The following CCDC91 variants were observed in gnomAD, a reference collection of about 807,000 sequenced individuals.
CCDC91 encodes coiled-coil domain containing 91.
Under a neutral mutation model 63.2 loss-of-function variants are expected in CCDC91, and 48 were observed. That is an observed-to-expected ratio of 0.76 (90% CI 0.60 to 0.97). The LOEUF is 0.97. Ranked by LOEUF, CCDC91 falls within the 50% of genes least tolerant of loss-of-function variation. CCDC91 has a pLI of 0.00. For synonymous variants in CCDC91, 167 were observed against 165.8 expected (o/e 1.01, Z -0.06); for missense variants, 500 against 494.6 (o/e 1.01, Z -0.10).
chr12:28,376,267 AAG>A, intron 7 of CCDC91, among the ~76,000 whole-genome samples: 1 of 151,862 alleles, frequency 6.6e-6, no homozygotes, highest in South Asian at 2.1e-4. Flanking sequence ...TGAGTCTCTT[AAG>A]GTTTTGTGGG....
chr12:28,289,685 CTTTTTTTTTTT>C (rs75555723), intron 3 of CCDC91, among the ~76,000 whole-genome samples: 1 of 98,540 alleles, frequency 1.0e-5, no homozygotes, highest in African/African-American at 4.8e-5. Flanking sequence ...CTTTTCTTTT[CTTTTTTTTTTT>C]TTTTTTTTTT....
intron 6 of CCDC91, among the ~76,000 whole-genome samples, chr12:28,352,131 C>T (rs568826252): frequency 5.5e-4 from 84 of 152,056 alleles, no homozygotes; most frequent in Non-Finnish European, 1.2e-3. Flanking sequence ...AAAAAATGTA[C>T]CTAAATTAAA....
chr12:28,193,694 G>T (rs1029006118), intron 1 of CCDC91, among the ~76,000 whole-genome samples: 3 of 151,768 alleles, frequency 2.0e-5, no homozygotes, highest in Middle Eastern at 3.2e-3. Flanking sequence ...TGATGTTCCA[G>T]TTGCTCCACA....
At chr12:28,343,209 T>C (rs1180206496) in intron 6 of CCDC91, among the ~76,000 whole-genome samples, 2 of 151,104 alleles carry the variant, frequency 1.3e-5, no homozygotes, top group Non-Finnish European at 3.0e-5. Context: ...TATATATATA[T>C]ATATATATAT....
At chr12:28,253,665 C>G (rs1946265771) in intron 1 of CCDC91, among the ~76,000 whole-genome samples, 2 of 152,120 alleles carry the variant, frequency 1.3e-5, no homozygotes, top group South Asian at 4.1e-4. Context: ...TTTCTCATTT[C>G]ACATTCTCTT....
At chr12:28,489,986 C>G (rs1951912969) in intron 12 of CCDC91, among the ~76,000 whole-genome samples, 1 of 151,822 alleles carries the variant, frequency 6.6e-6, no homozygotes. Context: ...TCTTAAAGTC[C>G]TAAAATTCTG....
intron 1 of CCDC91, among the ~76,000 whole-genome samples, chr12:28,239,180 A>G (rs891446740): frequency 2.0e-5 from 3 of 152,032 alleles, no homozygotes; most frequent in African/African-American, 7.2e-5. Context: ...TAACACCATT[A>G]TATATGTAGA....
At chr12:28,544,349 T>C (rs911182303) in intron 12 of CCDC91, among the ~76,000 whole-genome samples, 1 of 151,942 alleles carries the variant, frequency 6.6e-6, no homozygotes, top group Non-Finnish European at 1.5e-5. Flanking sequence ...TCCCTTCTTG[T>C]CTCTTTTCAA....
At position 28,264,146 on chromosome 12, in the gene CCDC91, T is replaced by C. The variant is rs534662836; in HGVS notation, c.109+4704T>C. Among the ~76,000 whole-genome samples the C allele has an allele frequency of 3.3e-5, 5 of 152,000 alleles. No homozygotes were observed. The East Asian group carries it at 9.7e-4, about 29-fold the overall frequency. The stretch of plus-strand genomic sequence containing the variant: ...TCATCTCTTCCCTGGTCCTGCTGTA[T>C]GCCAGTAGGTAACAATAGAGACTAG... On this transcript the variant is annotated intron_variant, in intron 3 of 12. Coordinates refer to ENST00000536442, the MANE Select transcript of CCDC91 (RefSeq NM_018318.5).
At chr12:28,363,876 G>GAGAAAAA (rs1944077385) in intron 7 of CCDC91, among the ~76,000 whole-genome samples, 1 of 52,560 alleles carries the variant, frequency 1.9e-5, no homozygotes, top group Non-Finnish European at 3.2e-5. Context: ...GGCTCCATCT[G>GAGAAAAA]AAAAAAAAAA....
intron 1 of CCDC91, among the ~76,000 whole-genome samples, chr12:28,252,440 T>G (rs1176734311): frequency 6.6e-6 from 1 of 151,948 alleles, no homozygotes; most frequent in Non-Finnish European, 1.5e-5. Flanking sequence ...TCTTGTAACT[T>G]TTTTTTACTC....
At chr12:28,425,522 G>C (rs1948263013) in intron 8 of CCDC91, among the ~76,000 whole-genome samples, 1 of 152,146 alleles carries the variant, frequency 6.6e-6, no homozygotes, top group Admixed American at 6.5e-5. Context: ...CTTGTGTGCT[G>C]TTCCATAGGG....
At chr12:28,331,045 A>T (rs1019760588) in intron 6 of CCDC91, among the ~76,000 whole-genome samples, 1 of 152,094 alleles carries the variant, frequency 6.6e-6, no homozygotes, top group Admixed American at 6.6e-5. Flanking sequence ...ATTAGAATTT[A>T]TTTTTTGTGT....
chr12:28,548,779 T>C (rs1943152499), intron 12 of CCDC91, among the ~76,000 whole-genome samples: 1 of 152,192 alleles, frequency 6.6e-6, no homozygotes, highest in Non-Finnish European at 1.5e-5. Context: ...GGCATTTTAA[T>C]ACTATTTTAT....
At chr12:28,326,167 A>G (rs560283810) in intron 6 of CCDC91, among the ~76,000 whole-genome samples, 1 of 152,158 alleles carries the variant, frequency 6.6e-6, no homozygotes, top group African/African-American at 2.4e-5. Context: ...CTGTGCCATT[A>G]TATACATGAT....
At chr12:28,220,296 A>T (rs1943850388) in intron 1 of CCDC91, among the ~76,000 whole-genome samples, 1 of 151,994 alleles carries the variant, frequency 6.6e-6, no homozygotes, top group African/African-American at 2.4e-5. Flanking sequence ...AAATGCTGTA[A>T]TGTCTACAAT....
intron 1 of CCDC91, among the ~76,000 whole-genome samples, chr12:28,195,015 T>C (rs1167605929): frequency 2.0e-5 from 3 of 152,170 alleles, no homozygotes; most frequent in East Asian, 1.9e-4. Flanking sequence ...TTCCACAGCA[T>C]GGAAGGGGAC....
chr12:28,396,677 TGTGG>T (rs1946314125), intron 8 of CCDC91, among the ~76,000 whole-genome samples: 3 of 150,560 alleles, frequency 2.0e-5, no homozygotes, highest in Non-Finnish European at 3.0e-5. Flanking sequence ...TGTGTGTGTG[TGTGG>T]GCATGTGTGT....
At chr12:28,386,410 C>T (rs1470060813) in intron 7 of CCDC91, among the ~76,000 whole-genome samples, 1 of 151,916 alleles carries the variant, frequency 6.6e-6, no homozygotes, top group Non-Finnish European at 1.5e-5. Context: ...GTCTTGTCGC[C>T]CAGGCTGGAG....
Sources: allele counts gnomAD v4.1 joint callset (sites outside exome capture counted in the v4.1 genomes callset), GRCh38; gene constraint gnomAD v4.1.1; transcripts MANE v1.5; gene names NCBI Gene and HGNC (gene_info 2026-07-23, HGNC 2026-07-21).